Variants in PCLO observed in about 807,000 individuals in gnomAD.
PCLO encodes the protein piccolo presynaptic cytomatrix protein.
A neutral mutation model predicts 427.5 loss-of-function variants in PCLO; 82 were observed. The ratio of observed to expected loss-of-function variants is 0.19; its 90% CI spans 0.16 to 0.23. The LOEUF (loss-of-function observed/expected upper bound fraction) is 0.23, where lower values mean the gene tolerates loss of function less well. PCLO is among the 10% of genes least tolerant of loss of function. The probability of loss-of-function intolerance (pLI) is 1.00; values close to 1 mark genes in which losing one functional copy is unlikely to be tolerated. For missense variants in PCLO, 6,239 were observed against 6,115.9 expected (o/e 1.02, Z -0.67); for synonymous variants, 2,357 against 2,155.4 (o/e 1.09, Z -2.59).
intron 3 of PCLO, among the ~76,000 whole-genome samples, chr7:83,016,763 G>C (rs998002657): frequency 1.3e-5 from 2 of 152,122 alleles, no homozygotes; most frequent in African/African-American, 4.8e-5. Context: ...GGTATAGATT[G>C]AAATAGGAAG....
At chr7:83,045,954 T>G (rs1007257665) in intron 3 of PCLO, among the ~76,000 whole-genome samples, 2 of 152,084 alleles carry the variant, frequency 1.3e-5, no homozygotes, top group African/African-American at 2.4e-5. Flanking sequence ...TTTCTCATAG[T>G]TATGGATGTT....
At chr7:82,957,800 C>T (rs1477277828) in intron 4 of PCLO, among the ~76,000 whole-genome samples, 1 of 152,148 alleles carries the variant, frequency 6.6e-6, no homozygotes, top group African/African-American at 2.4e-5. Flanking sequence ...TGAAAAGCAG[C>T]TTCCTTAAAC....
At chr7:83,113,931 T>C (rs934399386) in intron 3 of PCLO, among the ~76,000 whole-genome samples, 6 of 152,120 alleles carry the variant, frequency 3.9e-5, no homozygotes, top group African/African-American at 7.2e-5. Flanking sequence ...ATGTTTCATA[T>C]ATAAAAAAAC....
At chr7:82,981,957 TTTC>T (rs1167652879) in intron 3 of PCLO, among the ~76,000 whole-genome samples, 5 of 152,136 alleles carry the variant, frequency 3.3e-5, no homozygotes, top group Non-Finnish European at 7.4e-5. Flanking sequence ...TATACCTACC[TTTC>T]TTCTTCTCCG....
At chr7:83,050,425 A>C (rs1242425294) in intron 3 of PCLO, among the ~76,000 whole-genome samples, 1 of 151,634 alleles carries the variant, frequency 6.6e-6, no homozygotes, top group African/African-American at 2.4e-5. Flanking sequence ...CAAACACCAC[A>C]CTCTACTTTT....
At chr7:83,037,156 C>T (rs900367608) in intron 3 of PCLO, among the ~76,000 whole-genome samples, 1 of 152,010 alleles carries the variant, frequency 6.6e-6, no homozygotes, top group African/African-American at 2.4e-5. Flanking sequence ...TTAAGCAAAC[C>T]AGTTTGTGAT....
intron 6 of PCLO, among the ~76,000 whole-genome samples, chr7:82,932,850 T>A (rs1261149371): frequency 6.6e-6 from 1 of 152,072 alleles, no homozygotes; most frequent in Non-Finnish European, 1.5e-5. Flanking sequence ...ATATTTCATT[T>A]TTTTACAACA....
chr7:82,833,110 A>G (rs1415391175), intron 16 of PCLO, among the ~76,000 whole-genome samples: 1 of 152,078 alleles, frequency 6.6e-6, no homozygotes, highest in Non-Finnish European at 1.5e-5. Context: ...TTTCCTTTAA[A>G]ATCTACTGAA....
intron 9 of PCLO, among the ~76,000 whole-genome samples, chr7:82,895,887 A>T (rs914345783): frequency 9.2e-5 from 14 of 151,930 alleles, no homozygotes; most frequent in Non-Finnish European, 1.5e-4. Context: ...ATATTCAAAA[A>T]ATGAATAATA....
chr7:82,800,473 T>C (rs960755921), intron 22 of PCLO, among the ~76,000 whole-genome samples: 82 of 152,238 alleles, frequency 5.4e-4, no homozygotes, highest in African/African-American at 1.8e-3. Context: ...AGTTACCTCA[T>C]AGGTAATTGT....
intron 4 of PCLO, among the ~76,000 whole-genome samples, chr7:82,958,567 T>G (rs1189288044): frequency 6.6e-6 from 1 of 152,190 alleles, no homozygotes; most frequent in Non-Finnish European, 1.5e-5. Flanking sequence ...ACAATGTTAC[T>G]CAATTAAAAA....
intron 9 of PCLO, among the ~76,000 whole-genome samples, chr7:82,891,100 G>A (rs1159180095): frequency 6.6e-6 from 1 of 151,948 alleles, no homozygotes; most frequent in Non-Finnish European, 1.5e-5. Context: ...TTATTGCTGT[G>A]TTTATTTGTA....
intron 10 of PCLO, among the ~76,000 whole-genome samples, chr7:82,847,641 A>G (rs1428903321): frequency 6.6e-6 from 1 of 152,202 alleles, no homozygotes; most frequent in African/African-American, 2.4e-5. Flanking sequence ...TACTAGAAGA[A>G]TGTATTTGGT....
At chr7:83,072,560 T>G (rs1789845498) in intron 3 of PCLO, among the ~76,000 whole-genome samples, 1 of 152,064 alleles carries the variant, frequency 6.6e-6, no homozygotes, top group Admixed American at 6.6e-5. Flanking sequence ...GAGATAATGA[T>G]TCCAGTCTTG....
At chr7:82,800,521 A>G (rs1362706953) in intron 22 of PCLO, among the ~76,000 whole-genome samples, 1 of 152,202 alleles carries the variant, frequency 6.6e-6, no homozygotes, top group Non-Finnish European at 1.5e-5. Context: ...AGTACTTAGA[A>G]TAAACTACTT....
At chr7:82,766,288 A>G (rs1790530954) in intron 22 of PCLO, among the ~76,000 whole-genome samples, 1 of 152,114 alleles carries the variant, frequency 6.6e-6, no homozygotes, top group South Asian at 2.1e-4. Flanking sequence ...AAGATAAAGT[A>G]GGGGAAATAT....
At chr7:82,809,967 G>T (rs1791534997) in intron 20 of PCLO, among the ~76,000 whole-genome samples, 1 of 151,450 alleles carries the variant, frequency 6.6e-6, no homozygotes, top group African/African-American at 2.4e-5. Flanking sequence ...ATTTCAAAAA[G>T]TTCATAATCA....
At chr7:82,994,021 T>G (rs1796438965) in intron 3 of PCLO, among the ~76,000 whole-genome samples, 1 of 152,000 alleles carries the variant, frequency 6.6e-6, no homozygotes, top group African/African-American at 2.4e-5. Flanking sequence ...TGATGCAATA[T>G]TGGGAGACAA....
intron 6 of PCLO, among the ~76,000 whole-genome samples, chr7:82,922,031 C>A (rs1794607355): frequency 6.6e-6 from 1 of 151,870 alleles, no homozygotes; most frequent in South Asian, 2.1e-4. Context: ...CAATGAGATA[C>A]CATCCTACAC....
Sources: gnomAD v4.1 joint callset for allele counts (sites outside exome capture counted in the v4.1 genomes callset) on GRCh38, gnomAD v4.1.1 for gene constraint, MANE v1.5 for transcripts, NCBI Gene and HGNC (gene_info 2026-07-23, HGNC 2026-07-21) for gene names.